The following HCRTR2 variants were observed in gnomAD, a reference collection of about 807,000 sequenced individuals.
The protein encoded by HCRTR2 is orexin receptor type 2.
In HCRTR2, 22 loss-of-function variants were observed where a neutral mutation model predicts 49.0. The observed-to-expected ratio is 0.45, with a 90% confidence interval of 0.32 to 0.64. HCRTR2 has a LOEUF of 0.64. Among genes scored for constraint, HCRTR2 ranks in the 30% least tolerant of loss-of-function variants. The probability of loss-of-function intolerance (pLI) is 0.04; values close to 1 mark genes in which losing one functional copy is unlikely to be tolerated. For missense variants in HCRTR2, 491 were observed against 559.4 expected (o/e 0.88, Z 1.23); for synonymous variants, 236 against 205.3 (o/e 1.15, Z -1.28).
intron 1 of HCRTR2, among the ~76,000 whole-genome samples, chr6:55,122,084 A>C (rs911037974): frequency 1.3e-5 from 2 of 152,110 alleles, no homozygotes; most frequent in Non-Finnish European, 2.9e-5. Context: ...CTGTGAATCC[A>C]TCTGGTCCTG....
At chr6:55,207,357 T>C (rs1283844980) in intron 1 of HCRTR2, among the ~76,000 whole-genome samples, 1 of 152,112 alleles carries the variant, frequency 6.6e-6, no homozygotes, top group African/African-American at 2.4e-5. Flanking sequence ...TTTTTTGCCT[T>C]GAACTCAGTT....
At chr6:55,247,348 G>C in intron 1 of HCRTR2, among the ~76,000 whole-genome samples, 1 of 152,012 alleles carries the variant, frequency 6.6e-6, no homozygotes, top group East Asian at 1.9e-4. Context: ...GACATCTGTT[G>C]GTAGCTGACA....
At chr6:55,238,917 G>A (rs908319569) in intron 1 of HCRTR2, among the ~76,000 whole-genome samples, 3 of 152,170 alleles carry the variant, frequency 2.0e-5, no homozygotes, top group Non-Finnish European at 4.4e-5. Context: ...GTCTTGGGGA[G>A]GATCGGATTG....
intron 1 of HCRTR2, among the ~76,000 whole-genome samples, chr6:55,240,503 T>C (rs7741664): frequency 0.24 from 36,686 of 151,872 alleles, 4,532 homozygotes; most frequent in Non-Finnish European, 0.27. Context: ...CACGTTTGCA[T>C]GTAGTTCTTC....
At chr6:55,206,587 C>T (rs1039059146) in intron 1 of HCRTR2, among the ~76,000 whole-genome samples, 3 of 151,482 alleles carry the variant, frequency 2.0e-5, no homozygotes, top group Admixed American at 6.6e-5. Flanking sequence ...ATAGCATCTA[C>T]CTATAAGGAT....
intron 1 of HCRTR2, among the ~76,000 whole-genome samples, chr6:55,197,983 C>T (rs992162965): frequency 6.6e-6 from 1 of 152,150 alleles, no homozygotes; most frequent in Non-Finnish European, 1.5e-5. Flanking sequence ...TAATTGTAAA[C>T]CTAACCTGAT....
chr6:55,187,683 T>TA (rs1491116708), intron 1 of HCRTR2, among the ~76,000 whole-genome samples: 7 of 9,742 alleles, frequency 7.2e-4, no homozygotes, highest in African/African-American at 2.5e-3. Flanking sequence ...TTATTTGATC[T>TA]TTTTTTTTTT....
intron 1 of HCRTR2, among the ~76,000 whole-genome samples, chr6:55,128,351 G>A (rs1372691251): frequency 1.3e-5 from 2 of 151,984 alleles, no homozygotes; most frequent in African/African-American, 2.4e-5. Context: ...GAAGTAGGGT[G>A]GGGTGATGCC....
At position 55,198,590 on chromosome 6, in the gene HCRTR2, C is replaced by T. The variant is rs78965213; in HGVS notation, c.223+23780C>T. On this transcript the variant is annotated intron_variant, in intron 1 of 6. Transcript: ENST00000370862. Reference sequence around the variant, plus strand: ...GGGTGTCATTTCTTTGCTTCACTCTCATCCAGCTTTCTTTACTAATTTTGG... The same window carrying T: ...GGGTGTCATTTCTTTGCTTCACTCTTATCCAGCTTTCTTTACTAATTTTGG... Among the ~76,000 whole-genome samples, 399 of 152,290 alleles carry T rather than the reference C, an allele frequency of 2.6e-3. 1 individual carries two copies. Among genetic ancestry groups the T allele is most frequent in the African/African-American group, 9.1e-3 (378 of 41,544 alleles).
At chr6:55,187,174 A>G (rs2127276082) in intron 1 of HCRTR2, among the ~76,000 whole-genome samples, 1 of 152,176 alleles carries the variant, frequency 6.6e-6, no homozygotes, top group Non-Finnish European at 1.5e-5. Context: ...TGGGATGCTG[A>G]GGCGGGTGGA....
At chr6:55,111,193 C>G (rs1256474498) in intron 1 of HCRTR2, among the ~76,000 whole-genome samples, 3 of 151,722 alleles carry the variant, frequency 2.0e-5, no homozygotes, top group Non-Finnish European at 2.9e-5. Flanking sequence ...AAGTTCATAG[C>G]CTTAAATGCC....
At chr6:55,193,482 G>A (rs201790701) in intron 1 of HCRTR2, among the ~76,000 whole-genome samples, 1 of 151,266 alleles carries the variant, frequency 6.6e-6, no homozygotes, top group African/African-American at 2.4e-5. Flanking sequence ...TCCACAGAAC[G>A]ACAAAGAAAC....
chr6:55,273,472 C>T (rs929844349), intron 4 of HCRTR2, among the ~76,000 whole-genome samples: 30 of 152,040 alleles, frequency 2.0e-4, no homozygotes, highest in African/African-American at 7.2e-4. Flanking sequence ...TTTTGTTCCT[C>T]CTCCTCCCAG....
In HCRTR2 at chr6:55,194,395, A is replaced by G. The variant is rs560098332; in HGVS notation, c.223+19585A>G. On this transcript the variant is annotated intron_variant, in intron 1 of 6. Coordinates refer to ENST00000370862, the MANE Select transcript of HCRTR2 (RefSeq NM_001384272.1). ...AAGAAGTAGAGTTCCTTTTAAACAC[A>G]TACTTTTATATTATAACCCATTCTG... Among the ~76,000 whole-genome samples, 8 of 152,282 alleles carry G rather than the reference A, an allele frequency of 5.3e-5. No individual in the cohort carries two copies. The South Asian group carries it at 1.7e-3, about 32-fold the overall frequency.
intron 1 of HCRTR2, among the ~76,000 whole-genome samples, chr6:55,133,291 C>T (rs1237617671): frequency 6.6e-6 from 1 of 151,514 alleles, no homozygotes; most frequent in Non-Finnish European, 1.5e-5. Context: ...TTTATGCATG[C>T]AAAATTGAAG....
intron 1 of HCRTR2, among the ~76,000 whole-genome samples, chr6:55,196,443 ATAGAGGTGCCTAAGATCTTTCCC>A (rs1765411233): frequency 6.6e-6 from 1 of 152,126 alleles, no homozygotes; most frequent in African/African-American, 2.4e-5. Context: ...ATGATTAGAC[ATAGAGGTGCCTAAGATCTTTCCC>A]TTTGCCACAT....
In HCRTR2 at chr6:55,229,176, T is replaced by C. The variant is rs996138569; in HGVS notation, c.224-19463T>C. On this transcript the variant is annotated intron_variant, in intron 1 of 6. Transcript: ENST00000370862. ...ACTCCTGTATATGCTGACAGAAATA[T>C]AAAATGATGCAGCCACTATAAAAAT... Among the ~76,000 whole-genome samples, 11 of 152,164 alleles carry C rather than the reference T, an allele frequency of 7.2e-5. 1 individual carries two copies. The highest frequency in any genetic ancestry group is 1.6e-4 in the Non-Finnish European group (11 of 68,010).
chr6:55,246,084 C>T (rs1472379817), intron 1 of HCRTR2, among the ~76,000 whole-genome samples: 3 of 151,930 alleles, frequency 2.0e-5, no homozygotes, highest in Non-Finnish European at 4.4e-5. Context: ...AGCTAAAGAG[C>T]ACCAAAGATT....
At chr6:55,204,057 T>C (rs979746822) in intron 1 of HCRTR2, among the ~76,000 whole-genome samples, 1 of 152,148 alleles carries the variant, frequency 6.6e-6, no homozygotes, top group Non-Finnish European at 1.5e-5. Flanking sequence ...CACACAAGCC[T>C]GTTAAATAGT....
Sources: allele counts gnomAD v4.1 joint callset (sites outside exome capture counted in the v4.1 genomes callset), GRCh38; gene constraint gnomAD v4.1.1; transcripts MANE v1.5; gene names NCBI Gene and HGNC (gene_info 2026-07-23, HGNC 2026-07-21).